The following MAGI2 variants were observed in gnomAD, a reference collection of about 807,000 sequenced individuals.
MAGI2 encodes membrane-associated guanylate kinase, WW and PDZ domain-containing protein 2.
Under a neutral mutation model 133.3 loss-of-function variants are expected in MAGI2, and 35 were observed. That is an observed-to-expected ratio of 0.26 (90% CI 0.20 to 0.35). MAGI2 has a LOEUF of 0.35. MAGI2 is among the 10% of genes least tolerant of loss of function. MAGI2 has a pLI of 1.00. For missense variants in MAGI2, 1,636 were observed against 1,863.4 expected (o/e 0.88, Z 2.25); for synonymous variants, 729 against 710.6 (o/e 1.03, Z -0.41).
chr7:78,753,762 T>G (rs1370061787), intron 2 of MAGI2, among the ~76,000 whole-genome samples: 4 of 151,964 alleles, frequency 2.6e-5, no homozygotes, highest in African/African-American at 9.7e-5. Flanking sequence ...TCTCAACTTT[T>G]TGAAAACGAT....
At chr7:78,759,562 A>G (rs977605629) in intron 2 of MAGI2, among the ~76,000 whole-genome samples, 2 of 152,210 alleles carry the variant, frequency 1.3e-5, no homozygotes, top group Non-Finnish European at 2.9e-5. Flanking sequence ...GGCAAATTTA[A>G]TGTGACAATG....
rs552897558 is a variant in MAGI2, at chr7:79,320,395, A to G, written c.301+132625T>C. ...ATTTTCTACAACCATAGTTTTTAAG[A>G]CAATTTTCTGTGGTATGAATATTTC... is the stretch of plus-strand genomic sequence containing the variant. On this transcript the variant is annotated intron_variant, in intron 1 of 21. Coordinates refer to ENST00000354212, the MANE Select transcript of MAGI2 (RefSeq NM_012301.4). Among the ~76,000 whole-genome samples, 306 of 152,194 alleles carry G rather than the reference A, an allele frequency of 2.0e-3. 1 individual carries two copies. Among genetic ancestry groups the G allele is most frequent in the African/African-American group, 6.7e-3 (277 of 41,492 alleles).
At chr7:78,327,595 G>A (rs1054812820) in intron 9 of MAGI2, among the ~76,000 whole-genome samples, 4 of 152,182 alleles carry the variant, frequency 2.6e-5, no homozygotes, top group East Asian at 1.9e-4. Flanking sequence ...GAGAGGAGAG[G>A]GTTTGATTAT....
chr7:78,479,287 C>T (rs1207979093), intron 6 of MAGI2, among the ~76,000 whole-genome samples: 2 of 151,874 alleles, frequency 1.3e-5, no homozygotes, highest in Non-Finnish European at 2.9e-5. Context: ...ATAATGTTTG[C>T]TCTATTTTGT....
intron 2 of MAGI2, among the ~76,000 whole-genome samples, chr7:78,710,884 A>G (rs1458667678): frequency 6.6e-6 from 1 of 152,322 alleles, no homozygotes; most frequent in East Asian, 1.9e-4. Flanking sequence ...AACTAAATCA[A>G]AAAGTAATGC....
chr7:79,093,350 G>C (rs1052607240), intron 1 of MAGI2, among the ~76,000 whole-genome samples: 5 of 151,924 alleles, frequency 3.3e-5, no homozygotes, highest in African/African-American at 9.7e-5. Context: ...CATATATACA[G>C]GTATACCTCA....
intron 7 of MAGI2, among the ~76,000 whole-genome samples, chr7:78,361,436 C>A (rs544572825): frequency 6.6e-6 from 1 of 151,222 alleles, no homozygotes; most frequent in Non-Finnish European, 1.5e-5. Flanking sequence ...CCCCCTCCCC[C>A]CCACAAAATG....
intron 2 of MAGI2, among the ~76,000 whole-genome samples, chr7:78,835,273 T>C (rs1396167062): frequency 6.6e-6 from 1 of 152,196 alleles, no homozygotes; most frequent in African/African-American, 2.4e-5. Context: ...ATAGCCATCC[T>C]AGTGGGTGTT....
At chr7:78,868,999 C>T (rs1053976484) in intron 2 of MAGI2, among the ~76,000 whole-genome samples, 9 of 152,134 alleles carry the variant, frequency 5.9e-5, no homozygotes, top group Admixed American at 2.6e-4. Context: ...GTGATCCGCC[C>T]GCCTCGGCCT....
intron 3 of MAGI2, among the ~76,000 whole-genome samples, chr7:78,588,657 A>G (rs1445829179): frequency 1.3e-5 from 2 of 152,212 alleles, no homozygotes; most frequent in Non-Finnish European, 2.9e-5. Context: ...CATTTGTGGA[A>G]TAGCAATGTA....
intron 1 of MAGI2, among the ~76,000 whole-genome samples, chr7:79,100,324 G>A (rs909672990): frequency 4.0e-5 from 6 of 151,886 alleles, no homozygotes; most frequent in Admixed American, 6.6e-5. Flanking sequence ...GAGAATGTCT[G>A]TTTCATTCCA....
chr7:78,705,579 T>C (rs566409150), intron 2 of MAGI2, among the ~76,000 whole-genome samples: 21 of 152,224 alleles, frequency 1.4e-4, no homozygotes, highest in African/African-American at 5.1e-4. Context: ...CTGACAAACT[T>C]TCCTTCAGTG....
chr7:78,040,292 A>G (rs748024072), intron 21 of MAGI2, among the ~76,000 whole-genome samples: 1 of 152,068 alleles, frequency 6.6e-6, no homozygotes, highest in Non-Finnish European at 1.5e-5. Context: ...CCGGAGTGAG[A>G]GCTGAATTCT....
intron 2 of MAGI2, among the ~76,000 whole-genome samples, chr7:78,651,532 C>A (rs1183928613): frequency 6.6e-6 from 1 of 151,974 alleles, no homozygotes; most frequent in Non-Finnish European, 1.5e-5. Flanking sequence ...AAGTAGAGAA[C>A]TCATAAATGT....
chr7:78,845,149 G>A (rs1337068210), intron 2 of MAGI2, among the ~76,000 whole-genome samples: 3 of 151,896 alleles, frequency 2.0e-5, no homozygotes, highest in Non-Finnish European at 4.4e-5. Flanking sequence ...TATATCAGGA[G>A]CATCACCTTC....
rs907856973 is a variant in MAGI2, at chr7:79,417,996, AT to A, written c.301+35023del. ...ATATTCCAATCAATTTACCTCACAT[AT>A]TTTTTTCATGTGTACAGGCATTAAA... On this transcript the variant is annotated intron_variant, in intron 1 of 21. Transcript: ENST00000354212. Among the ~76,000 whole-genome samples the A allele has an allele frequency of 3.9e-5, 6 of 152,056 alleles. No individual in the cohort carries two copies. The East Asian group carries it at 9.6e-4, about 24-fold the overall frequency.
intron 6 of MAGI2, among the ~76,000 whole-genome samples, chr7:78,443,881 T>C (rs1787868803): frequency 6.6e-6 from 1 of 152,152 alleles, no homozygotes; most frequent in Non-Finnish European, 1.5e-5. Flanking sequence ...CTGTCATTCC[T>C]CTTTCTTTTC....
At chr7:78,243,479 C>A (rs533826975) in intron 10 of MAGI2, among the ~76,000 whole-genome samples, 1 of 152,092 alleles carries the variant, frequency 6.6e-6, no homozygotes, top group East Asian at 1.9e-4. Context: ...GTTTAAAAAT[C>A]GTGGTACAGT....
intron 2 of MAGI2, among the ~76,000 whole-genome samples, chr7:79,001,973 T>A (rs10236354): frequency 0.68 from 102,706 of 151,920 alleles, 34,858 homozygotes; most frequent in Non-Finnish European, 0.7. Flanking sequence ...TATATGTTTT[T>A]CATGGTTAGT....
Sources: gnomAD v4.1 joint callset for allele counts (sites outside exome capture counted in the v4.1 genomes callset) on GRCh38, gnomAD v4.1.1 for gene constraint, MANE v1.5 for transcripts, NCBI Gene and HGNC (gene_info 2026-07-23, HGNC 2026-07-21) for gene names.